PLD5: variants seen among roughly 807,000 people sequenced by gnomAD.
PLD5 encodes inactive phospholipase D5.
PLD5 carries 36 observed loss-of-function variants against 61.1 expected under a neutral mutation model. The observed-to-expected ratio is 0.59, with a 90% CI of 0.45 to 0.78. The LOEUF (loss-of-function observed/expected upper bound fraction) is 0.78, where lower values mean the gene tolerates loss of function less well. PLD5 is among the 30% of genes least tolerant of loss of function. The pLI is 0.00. For missense variants in PLD5, 515 were observed against 644.4 expected, an observed-to-expected ratio of 0.80 and a Z score of 2.17; for synonymous variants, 243 against 242.8, an observed-to-expected ratio of 1.00 and a Z score of -0.01.
rs556614192 is a variant in PLD5, at chr1:242,359,995, C to T, written c.190-11753G>A. On this transcript the variant is annotated intron_variant, in intron 1 of 9. Transcript: ENST00000536534. ...AGAAATAAGACAGAAAGAGAGAAGG[C>T]AAATGTTAGATGGAAATTTTCTAGA... 2.0e-5 allele frequency among the ~76,000 whole-genome samples: 3 copies of T among 152,196 alleles called. No homozygotes were observed. In the South Asian group the frequency reaches 6.2e-4, roughly 32 times the overall value.
chr1:242,310,265 C>T (rs1676622816), intron 2 of PLD5, among the ~76,000 whole-genome samples: 1 of 152,178 alleles, frequency 6.6e-6, no homozygotes, highest in South Asian at 2.1e-4. Context: ...TCCTGTCTCA[C>T]TCCTCTTCTA....
Position 242,089,886 on chromosome 1 carries a change from C to G in PLD5, c.1579G>C (p.Asp527His), listed in dbSNP as rs150366646. The G allele has an allele frequency of 3.7e-6, 6 of 1,614,012 alleles. No individual in the cohort carries two copies. The highest frequency in any genetic ancestry group is 4.2e-6 in the Non-Finnish European group (5 of 1,180,042). ...KPLSNKTATD[D>H]TGGKDPRNV ...TTCCGGGGATCCTTTCCGCCTGTGTCGTCTGTGGCAGTTTTGTTGGAGAGG... is the reference window on the plus strand; with the variant it reads ...TTCCGGGGATCCTTTCCGCCTGTGTGGTCTGTGGCAGTTTTGTTGGAGAGG... Residue 527 changes from aspartate (D) to histidine (H), a missense_variant, in exon 10 of 10, where the codon GAC becomes CAC. Coordinates refer to ENST00000536534, the MANE Select transcript of PLD5 (RefSeq NM_001372062.1).
intron 3 of PLD5, among the ~76,000 whole-genome samples, chr1:242,274,550 C>T (rs575644781): frequency 2.2e-4 from 34 of 152,188 alleles, no homozygotes; most frequent in Admixed American, 1.8e-3. Context: ...GTCAGGAGAT[C>T]GAGACCATCC....
At chr1:242,411,275 G>A (rs918964618) in intron 1 of PLD5, among the ~76,000 whole-genome samples, 11 of 152,030 alleles carry the variant, frequency 7.2e-5, no homozygotes, top group Non-Finnish European at 1.5e-4. Flanking sequence ...TCGCTCTATC[G>A]CCCAGGCTGG....
Position 242,089,703 on chromosome 1 carries a change from T to G in PLD5, c.*151A>C. On this transcript the variant is annotated 3_prime_UTR_variant, in exon 10 of 10. Transcript: ENST00000536534. ...TAGTGTACACGACGCTAAGATATTG[T>G]TAGATAGGTATTATGTGTTGTTCAG... is the stretch of plus-strand genomic sequence containing the variant. The G allele has an allele frequency of 1.1e-6, 1 of 946,002 alleles. No individual in the cohort carries two copies. The allele number at this position is 946,002 out of a possible 1,614,324, so 58.6% of individuals were successfully genotyped here.
At chr1:242,157,896 C>A (rs931687193) in intron 5 of PLD5, among the ~76,000 whole-genome samples, 8 of 152,216 alleles carry the variant, frequency 5.3e-5, no homozygotes, top group Non-Finnish European at 2.9e-5. Flanking sequence ...ATGTTTAAGT[C>A]TGCTGAAGCT....
At chr1:242,238,118 T>G (rs1671757738) in intron 4 of PLD5, among the ~76,000 whole-genome samples, 1 of 152,138 alleles carries the variant, frequency 6.6e-6, no homozygotes, top group Non-Finnish European at 1.5e-5. Flanking sequence ...GGACACAGAC[T>G]GATATACTTC....
At chr1:242,496,387 A>G (rs920878557) in intron 1 of PLD5, among the ~76,000 whole-genome samples, 4 of 152,356 alleles carry the variant, frequency 2.6e-5, no homozygotes, top group Non-Finnish European at 5.9e-5. Context: ...ATCCCTTTCA[A>G]TAATTTTATA....
upstream of PLD5, among the ~76,000 whole-genome samples, chr1:242,529,222 G>T (rs1455422588): frequency 6.6e-6 from 1 of 152,162 alleles, no homozygotes; most frequent in African/African-American, 2.4e-5. Context: ...TATGAGAAGG[G>T]TCTTTTATGT....
chr1:242,480,983 C>CT (rs1289232079), intron 1 of PLD5, among the ~76,000 whole-genome samples: 3 of 151,958 alleles, frequency 2.0e-5, no homozygotes, highest in Admixed American at 6.6e-5. Flanking sequence ...ACACTTAGTA[C>CT]TTTTTTTAGA....
intron 4 of PLD5, among the ~76,000 whole-genome samples, chr1:242,245,722 T>C (rs1300934808): frequency 1.3e-5 from 2 of 152,130 alleles, no homozygotes; most frequent in African/African-American, 4.8e-5. Context: ...CCTGGGAGAA[T>C]CGGGGGTGGG....
chr1:242,499,548 T>G (rs1442884023), intron 1 of PLD5, among the ~76,000 whole-genome samples: 1 of 152,216 alleles, frequency 6.6e-6, no homozygotes, highest in Non-Finnish European at 1.5e-5. Flanking sequence ...CCCCTTTTTC[T>G]TTTAAGATCT....
intron 1 of PLD5, among the ~76,000 whole-genome samples, chr1:242,404,841 A>G (rs1430998438): frequency 1.7e-5 from 2 of 120,100 alleles, no homozygotes; most frequent in African/African-American, 6.7e-5. Flanking sequence ...CAATTGCTCT[A>G]TGTGGATCCA....
intron 5 of PLD5, among the ~76,000 whole-genome samples, chr1:242,168,847 T>TTTTTTTG (rs1666524767): frequency 2.3e-4 from 1 of 4,428 alleles, no homozygotes; most frequent in Non-Finnish European, 1.2e-3. Flanking sequence ...ATTAATGAAG[T>TTTTTTTG]TTTTTTTTTT....
At chr1:242,253,949 CG>C (rs1558400606) in intron 4 of PLD5, among the ~76,000 whole-genome samples, 1 of 152,132 alleles carries the variant, frequency 6.6e-6, no homozygotes, top group Admixed American at 6.5e-5. Flanking sequence ...AGAACAGAGA[CG>C]GAAAACACAG....
intron 5 of PLD5, among the ~76,000 whole-genome samples, chr1:242,150,299 T>A (rs948385367): frequency 2.0e-5 from 3 of 151,744 alleles, no homozygotes; most frequent in Non-Finnish European, 4.4e-5. Flanking sequence ...GGATACAGTG[T>A]TCTATAAACA....
At position 242,124,506 on chromosome 1, in the gene PLD5, G is replaced by T. The variant is rs767140158; in HGVS notation, c.895C>A (p.Leu299Ile). The T allele has an allele frequency of 6.2e-7, 1 of 1,614,086 alleles. No individual in the cohort carries two copies. Among genetic ancestry groups the T allele is most frequent in the Non-Finnish European group, 8.5e-7 (1 of 1,179,982 alleles). ...GVYDNEKKLQ[L>I]QLNETKSQAF... ...TGAGATTTGGTTTCATTCAACTGAA[G>T]TTGCAATTTCTTTTCATTGTCATAG... Residue 299 changes from leucine (L) to isoleucine (I), a missense_variant, in exon 6 of 10, where the codon CTT (leucine) becomes ATT (isoleucine). Around this residue, in one of 2 missense-constraint regions of PLD5, gnomAD observed 450 missense variants for 598.1 expected, o/e 0.75. Coordinates refer to ENST00000536534, the MANE Select transcript of PLD5 (RefSeq NM_001372062.1).
At chr1:242,484,670 AT>A (rs1667897663) in intron 1 of PLD5, among the ~76,000 whole-genome samples, 1 of 152,214 alleles carries the variant, frequency 6.6e-6, no homozygotes, top group South Asian at 2.1e-4. Flanking sequence ...AACTATTCCA[AT>A]CAATAGAAAA....
intron 5 of PLD5, among the ~76,000 whole-genome samples, chr1:242,143,691 G>A (rs1317102043): frequency 6.6e-6 from 1 of 152,096 alleles, no homozygotes; most frequent in Non-Finnish European, 1.5e-5. Flanking sequence ...GTGGGTGATT[G>A]TCCTTTATCT....
Sources: allele counts gnomAD v4.1 joint callset (sites outside exome capture counted in the v4.1 genomes callset), GRCh38; gene constraint gnomAD v4.1.1; regional missense constraint gnomAD v4.1.1; transcripts MANE v1.5; gene names NCBI Gene and HGNC (gene_info 2026-07-23, HGNC 2026-07-21).